SH3BGRL: variants seen among roughly 807,000 people sequenced by gnomAD.
SH3BGRL encodes the protein SH3 domain binding glutamate rich protein like.
A neutral mutation model predicts 9.8 loss-of-function variants in SH3BGRL; 7 were observed. That is an observed-to-expected ratio of 0.72 (90% CI 0.41 to 1.35). The LOEUF (loss-of-function observed/expected upper bound fraction) is 1.35, where lower values mean the gene tolerates loss of function less well. Among genes scored for constraint, SH3BGRL ranks in the 40% most tolerant of loss-of-function variants. SH3BGRL has a pLI of 0.01. For missense variants in SH3BGRL, 73 were observed against 84.4 expected (o/e 0.86, Z 0.53); for synonymous variants, 36 against 29.1 (o/e 1.24, Z -0.76).
At chrX:81,222,856 AT>A (rs1308015074) in intron 1 of SH3BGRL, among the ~76,000 whole-genome samples, 1 of 111,546 alleles carries the variant, frequency 9.0e-6, no homozygotes, top group Non-Finnish European at 1.9e-5. Context: ...CTTTTTAATG[AT>A]TGTCATTCCA....
chrX:81,222,108 T>C (rs1179544762), intron 1 of SH3BGRL, among the ~76,000 whole-genome samples: 1 of 112,450 alleles, frequency 8.9e-6, no homozygotes, highest in African/African-American at 3.2e-5. Context: ...CTTGTTGTCC[T>C]AGACTCTGCG....
At chrX:81,246,917 CA>C (rs2075691614) in intron 1 of SH3BGRL, among the ~76,000 whole-genome samples, 1 of 112,107 alleles carries the variant, frequency 8.9e-6, no homozygotes, top group African/African-American at 3.2e-5. Context: ...GTCATTTTAA[CA>C]ATACTTTTCT....
chrX:81,266,741 A>G (rs1226235094), intron 1 of SH3BGRL, among the ~76,000 whole-genome samples: 1 of 112,297 alleles, frequency 8.9e-6, no homozygotes, highest in African/African-American at 3.2e-5. Context: ...AATTCTTTGA[A>G]GAAAGTCAGT....
chrX:81,226,361 A>G (rs2075616614), intron 1 of SH3BGRL, among the ~76,000 whole-genome samples: 1 of 108,564 alleles, frequency 9.2e-6, no homozygotes, highest in East Asian at 2.9e-4. Flanking sequence ...CAAACATTCT[A>G]TATGGTGCAT....
At chrX:81,233,310 G>A (rs1012587533) in intron 1 of SH3BGRL, among the ~76,000 whole-genome samples, 3 of 111,896 alleles carry the variant, frequency 2.7e-5, no homozygotes, top group Non-Finnish European at 3.8e-5. Context: ...CTTTGCATAC[G>A]TAGAGCTTTG....
At chrX:81,242,966 A>G (rs2075675884) in intron 1 of SH3BGRL, among the ~76,000 whole-genome samples, 1 of 112,095 alleles carries the variant, frequency 8.9e-6, no homozygotes, top group Non-Finnish European at 1.9e-5. Flanking sequence ...ACCAGTATGG[A>G]GAAATGTTTG....
intron 1 of SH3BGRL, among the ~76,000 whole-genome samples, chrX:81,216,607 A>G (rs2075582065): frequency 9.0e-6 from 1 of 110,775 alleles, no homozygotes; most frequent in Non-Finnish European, 1.9e-5. Flanking sequence ...TATCCTTCCC[A>G]GTCTCTTATA....
intron 1 of SH3BGRL, among the ~76,000 whole-genome samples, chrX:81,218,060 G>T (rs1323578069): frequency 9.0e-6 from 1 of 110,661 alleles, no homozygotes; most frequent in African/African-American, 3.3e-5. Context: ...TCTGATATAA[G>T]AATAACTACT....
Position 81,297,250 on chromosome X carries a change from C to T in SH3BGRL, c.*23C>T, listed in dbSNP as rs770700263. On this transcript the variant is annotated 3_prime_UTR_variant, in exon 4 of 4. Transcript: ENST00000373212. ...TGAACCTTAAGCACTGTGCTTTAAG[C>T]ATCCTGAAAAATGAGTCTCCATTGC... 8.5e-7 allele frequency: 1 copy of T among 1,175,353 alleles called. No individual in the cohort carries two copies. Among genetic ancestry groups the T allele is most frequent in the Admixed American group, 2.2e-5 (1 of 44,781 alleles).
chrX:81,246,087 A>G (rs1472736858), intron 1 of SH3BGRL, among the ~76,000 whole-genome samples: 1 of 111,209 alleles, frequency 9.0e-6, no homozygotes, highest in Non-Finnish European at 1.9e-5. Flanking sequence ...ATTGTTTTAT[A>G]TGTGTATTGG....
intron 3 of SH3BGRL, among the ~76,000 whole-genome samples, chrX:81,280,075 C>CT (rs200803771): frequency 0.014 from 1,576 of 110,496 alleles, 30 homozygotes; most frequent in African/African-American, 0.048. Context: ...CAGGACTTCC[C>CT]TGACAATCTG....
intron 1 of SH3BGRL, among the ~76,000 whole-genome samples, chrX:81,215,667 C>G (rs2075579175): frequency 9.0e-6 from 1 of 111,003 alleles, no homozygotes. Context: ...TTCTCCTGTC[C>G]CCCAACCAGT....
intron 1 of SH3BGRL, among the ~76,000 whole-genome samples, chrX:81,215,788 T>G (rs1045502366): frequency 2.4e-4 from 27 of 111,777 alleles, no homozygotes; most frequent in Non-Finnish European, 4.0e-4. Flanking sequence ...GTTACCCAAT[T>G]TTCTTGCCAT....
rs150789787 is a variant in SH3BGRL at position 81,266,538 on chromosome X, G to A, written c.46-10446G>A. Among the ~76,000 whole-genome samples, 576 of 111,565 alleles carry A rather than the reference G, an allele frequency of 5.2e-3. 3 individuals carry two copies. The highest frequency in any genetic ancestry group is 0.018 in the African/African-American group (541 of 30,679). On this transcript the variant is annotated intron_variant, in intron 1 of 3. Transcript: ENST00000373212. ...TGTAGATGTGTGGTGTTATTTCTGA[G>A]GACTCTGTTCTGTTCCATTGGTCTA...
intron 1 of SH3BGRL, among the ~76,000 whole-genome samples, chrX:81,223,024 G>GT (rs1303548018): frequency 5.4e-5 from 6 of 110,867 alleles, no homozygotes; most frequent in African/African-American, 2.0e-4. Context: ...GGGGTTGTTT[G>GT]TTTTTTTTCT....
intron 1 of SH3BGRL, among the ~76,000 whole-genome samples, chrX:81,226,984 G>T (rs200616531): frequency 8.9e-6 from 1 of 111,857 alleles, no homozygotes; most frequent in Non-Finnish European, 1.9e-5. Context: ...TAGAGTTGTT[G>T]GCTATGCCAT....
chrX:81,268,138 T>C (rs755388120), intron 1 of SH3BGRL, among the ~76,000 whole-genome samples: 1 of 111,365 alleles, frequency 9.0e-6, no homozygotes, highest in East Asian at 2.8e-4. Flanking sequence ...GGGGTCTATC[T>C]ATTTTGTTGA....
At chrX:81,279,460 G>A (rs2075808820) in intron 3 of SH3BGRL, among the ~76,000 whole-genome samples, 1 of 111,114 alleles carries the variant, frequency 9.0e-6, no homozygotes, top group East Asian at 2.8e-4. Flanking sequence ...ACCCTCTCAA[G>A]GAAGTGGACT....
In SH3BGRL at chrX:81,298,426, C is replaced by A. The variant is rs2075882932; in HGVS notation, c.*1199C>A. The A allele has an allele frequency of 9.0e-6, 1 of 111,318 alleles. No homozygotes were observed. Among genetic ancestry groups the A allele is most frequent in the Non-Finnish European group, 1.9e-5 (1 of 52,753 alleles). 9.2% of individuals were successfully genotyped at this position (111,318 alleles called of 1,213,427 possible). On this transcript the variant is annotated 3_prime_UTR_variant, in exon 4 of 4. Transcript: ENST00000373212. The stretch of plus-strand genomic sequence containing the variant: ...CTTTAAACTACATTATCATGTATAT[C>A]TATTGTATGCTGGTCTTTACTTTTT...
Sources: gnomAD v4.1 joint callset for allele counts (sites outside exome capture counted in the v4.1 genomes callset) on GRCh38, gnomAD v4.1.1 for gene constraint, MANE v1.5 for transcripts, NCBI Gene and HGNC (gene_info 2026-07-23, HGNC 2026-07-21) for gene names.